The following MRTFA variants were observed in gnomAD, a reference collection of about 807,000 sequenced individuals.
The protein encoded by MRTFA is myocardin related transcription factor A.
MRTFA carries 20 observed loss-of-function variants against 83.5 expected under a neutral mutation model. That is an observed-to-expected ratio of 0.24 (90% CI 0.17 to 0.35). MRTFA has a LOEUF of 0.35. Among genes scored for constraint, MRTFA ranks in the 10% least tolerant of loss-of-function variants. The pLI is 1.00. For missense variants in MRTFA, 1,200 were observed against 1,224.7 expected (o/e 0.98, Z 0.30); for synonymous variants, 659 against 541.2 (o/e 1.22, Z -3.02).
At chr22:40,533,537 A>C in intron 3 of MRTFA, 1 of 1,116,328 alleles carries the variant, frequency 9.0e-7, no homozygotes, top group Non-Finnish European at 1.1e-6. Flanking sequence ...GTGGCAAATA[A>C]GATTTGTAGG....
At chr22:40,500,583 T>C (rs1319051440) in intron 3 of MRTFA, among the ~76,000 whole-genome samples, 1 of 152,002 alleles carries the variant, frequency 6.6e-6, no homozygotes, top group East Asian at 1.9e-4. Context: ...CGATTAGGGA[T>C]TGGTGGTGAC....
intron 1 of MRTFA, among the ~76,000 whole-genome samples, chr22:40,597,674 G>C (rs1820894267): frequency 6.6e-6 from 1 of 152,194 alleles, no homozygotes; most frequent in Non-Finnish European, 1.5e-5. Context: ...GAGGGTAGTA[G>C]AGCGCCAAAG....
At chr22:40,561,325 TGTA>T (rs972946113) in intron 2 of MRTFA, among the ~76,000 whole-genome samples, 1 of 151,920 alleles carries the variant, frequency 6.6e-6, no homozygotes, top group African/African-American at 2.4e-5. Flanking sequence ...TACGTCCTAC[TGTA>T]GAAGATGAGG....
At chr22:40,588,799 T>C (rs1314177964) in intron 2 of MRTFA, among the ~76,000 whole-genome samples, 2 of 152,080 alleles carry the variant, frequency 1.3e-5, no homozygotes, top group Non-Finnish European at 2.9e-5. Flanking sequence ...CTGGGAAACA[T>C]GGCGAGACTC....
intron 3 of MRTFA, among the ~76,000 whole-genome samples, chr22:40,498,103 G>C (rs2054386961): frequency 6.6e-6 from 1 of 151,692 alleles, no homozygotes; most frequent in Non-Finnish European, 1.5e-5. Context: ...TCACAGCACT[G>C]CACTCCAGCA....
At chr22:40,524,146 T>C (rs1019652627) in intron 3 of MRTFA, among the ~76,000 whole-genome samples, 5 of 152,156 alleles carry the variant, frequency 3.3e-5, no homozygotes, top group Non-Finnish European at 7.3e-5. Context: ...AAAAATTTTT[T>C]TAGCTGGGCC....
chr22:40,556,650 T>C (rs2055528921), intron 2 of MRTFA, among the ~76,000 whole-genome samples: 1 of 152,242 alleles, frequency 6.6e-6, no homozygotes, highest in Non-Finnish European at 1.5e-5. Flanking sequence ...AAACAACAAA[T>C]GTCTACCAAC....
chr22:40,601,537 T>C (rs2056258697), intron 1 of MRTFA, among the ~76,000 whole-genome samples: 1 of 152,226 alleles, frequency 6.6e-6, no homozygotes, highest in African/African-American at 2.4e-5. Context: ...ATACTTCCAT[T>C]TTACTGTCTT....
At chr22:40,452,803 C>G (rs1368691664) in intron 4 of MRTFA, among the ~76,000 whole-genome samples, 1 of 124,904 alleles carries the variant, frequency 8.0e-6, no homozygotes, top group Non-Finnish European at 1.6e-5. Flanking sequence ...AACACTCCGT[C>G]TCAAAAAAAA....
At chr22:40,635,369 T>C (rs1412508129) in intron 1 of MRTFA, among the ~76,000 whole-genome samples, 2 of 152,222 alleles carry the variant, frequency 1.3e-5, no homozygotes, top group Non-Finnish European at 2.9e-5. Flanking sequence ...AGGCTTCGGC[T>C]TGATGTAGAA....
chr22:40,590,891 T>C (rs1241326479), intron 2 of MRTFA, among the ~76,000 whole-genome samples: 1 of 151,872 alleles, frequency 6.6e-6, no homozygotes, highest in Non-Finnish European at 1.5e-5. Flanking sequence ...CCCACCACTT[T>C]AGGAGGCCAA....
At position 40,418,474 on chromosome 22, in the gene MRTFA, G is replaced by C. The variant is rs751450501; in HGVS notation, c.2264C>G (p.Pro755Arg). The C allele has an allele frequency of 1.2e-6, 2 of 1,613,314 alleles. No homozygotes were observed. Among genetic ancestry groups the C allele is most frequent in the East Asian group, 4.5e-5 (2 of 44,852 alleles). ...TGTGGAGTCGGTGATGAGGGTGGGA[G>C]GTGCAACCCCCTTGATGAGGCTGGG... The change falls in exon 12 of 15, where the codon CCT (proline) becomes CGT (arginine). Residue 755 changes from proline to arginine, a missense_variant. Around this residue, in one of 2 missense-constraint regions of MRTFA, gnomAD observed 1,107 missense variants for 1,041.8 expected, o/e 1.06. Transcript: ENST00000355630.
chr22:40,581,296 C>T (rs956525351), intron 2 of MRTFA, among the ~76,000 whole-genome samples: 15 of 152,116 alleles, frequency 9.9e-5, no homozygotes, highest in African/African-American at 2.7e-4. Context: ...AATTAAAACA[C>T]GTGTACATGT....
chr22:40,471,948 C>T (rs781188803), intron 3 of MRTFA, among the ~76,000 whole-genome samples: 20 of 152,130 alleles, frequency 1.3e-4, no homozygotes, highest in Non-Finnish European at 2.8e-4. Context: ...AACACTTCCC[C>T]AACTCATTTA....
In MRTFA at chr22:40,466,971, A is replaced by G. The variant is rs201968489; in HGVS notation, c.242-3685T>C. On this transcript the variant is annotated intron_variant, in intron 3 of 14. Coordinates refer to ENST00000355630, the MANE Select transcript of MRTFA (RefSeq NM_020831.6). ...ACAACCGTGTATATATTATGCATGT[A>G]TATATATATATATATTTATACACAC... Among the ~76,000 whole-genome samples, 351 of 108,164 alleles carry G rather than the reference A, an allele frequency of 3.2e-3. 1 individual carries two copies. The highest frequency in any genetic ancestry group is 8.0e-3 in the African/African-American group (277 of 34,618). 71.0% of individuals were successfully genotyped at this position (108,164 alleles called of 152,430 possible).
chr22:40,623,807 T>C (rs1221725487), intron 1 of MRTFA, among the ~76,000 whole-genome samples: 1 of 152,206 alleles, frequency 6.6e-6, no homozygotes, highest in African/African-American at 2.4e-5. Context: ...AACTATCTTA[T>C]AAGTACATAC....
At chr22:40,636,416 G>A (rs1008620345) in intron 1 of MRTFA, 62 bp downstream of exon 1, 4 of 152,292 alleles carry the variant, frequency 2.6e-5, no homozygotes, top group African/African-American at 4.8e-5. Flanking sequence ...GGGGAAAAAG[G>A]ATGCTCCAGG....
At chr22:40,632,577 A>T (rs965510738) in intron 1 of MRTFA, among the ~76,000 whole-genome samples, 1 of 152,158 alleles carries the variant, frequency 6.6e-6, no homozygotes. Context: ...CTGGGACTAC[A>T]GGCGTGCATC....
chr22:40,414,322 AAC>A (rs1343048846), intron 14 of MRTFA, among the ~76,000 whole-genome samples: 1 of 147,210 alleles, frequency 6.8e-6, no homozygotes. Context: ...CAATCTGGGC[AAC>A]AGACTCCGTC....
Sources: allele counts gnomAD v4.1 joint callset (sites outside exome capture counted in the v4.1 genomes callset), GRCh38; gene constraint gnomAD v4.1.1; regional missense constraint gnomAD v4.1.1; transcripts MANE v1.5; gene names NCBI Gene and HGNC (gene_info 2026-07-23, HGNC 2026-07-21).